The following MVK variants were observed in gnomAD, a reference collection of about 807,000 sequenced individuals.
The protein encoded by MVK is LH receptor mRNA-binding protein.
In MVK, 34 loss-of-function variants were observed where a neutral mutation model predicts 43.2. The observed-to-expected ratio is 0.79, with a 90% CI of 0.60 to 1.05. The LOEUF (loss-of-function observed/expected upper bound fraction) is 1.05. Ranked by LOEUF, MVK falls within the 50% of genes least tolerant of loss-of-function variation. MVK has a pLI of 0.00. For missense variants in MVK, 395 were observed against 504.0 expected (o/e 0.78, Z 2.07); for synonymous variants, 190 against 219.8 (o/e 0.86, Z 1.20).
chr12:109,576,063 A>G lies in MVK; in HGVS notation c.144A>G (p.Lys48=), dbSNP rs2136218745. ...GGCTTCAACCCCACAGCAATGGGAA[A>G]GTGGACCTCAGCTTACCCAACATTG... The part of the protein sequence containing the change: ...FLRLQPHSNG[K]VDLSLPNIGI... Residue 48 remains lysine (K), a synonymous_variant, in exon 3 of 11, where the codon AAA becomes AAG. Transcript: ENST00000228510. The G allele has an allele frequency of 6.2e-7, 1 of 1,614,200 alleles. No individual in the cohort carries two copies. The highest frequency in any genetic ancestry group is 8.5e-7 in the Non-Finnish European group (1 of 1,180,018).
intron 4 of MVK, 77 bp from the exon 5 acceptor site, chr12:109,581,317 TG>T (rs34587060): frequency 6.3e-7 from 1 of 1,587,538 alleles, no homozygotes; most frequent in Non-Finnish European, 8.6e-7. Flanking sequence ...GAGTCAGGCC[TG>T]GGCCTGGCCC....
intron 3 of MVK, 110 bp downstream of exon 3, chr12:109,576,255 G>A: frequency 1.4e-6 from 2 of 1,387,826 alleles, no homozygotes; most frequent in Non-Finnish European, 2.0e-6. Flanking sequence ...TTTCCCGGGT[G>A]TTTTCTACCC....
At position 109,579,875 on chromosome 12, in the gene MVK, CTG is replaced by C. The variant is rs1566143814; in HGVS notation, c.303_304del (p.Ala102CysfsTer84). 6.2e-7 allele frequency: 1 copy of C among 1,614,156 alleles called. No individual in the cohort carries two copies. Among genetic ancestry groups the C allele is most frequent in the African/African-American group, 1.3e-5 (1 of 74,962 alleles). ...LKEVAGLPDD[C>X]AVTERLAVLA... is the part of the protein sequence containing the mutation. ...AGGAGGTTGCAGGCTTGCCTGACGA[CTG>C]TGCTGTCACCGAGCGCCTGGCTGTG... On this transcript the variant is annotated frameshift_variant, in exon 4 of 11. Coordinates refer to ENST00000228510, the MANE Select transcript of MVK (RefSeq NM_000431.4). LOFTEE classifies it high-confidence loss of function.
Position 109,591,500 on chromosome 12 carries a change from G to A in MVK, c.885+143G>A. 3.9e-6 allele frequency: 3 copies of A among 779,170 alleles called. No homozygotes were observed. In the East Asian group the frequency reaches 8.0e-5, roughly 21 times the overall value. The allele number at this position is 779,170 out of a possible 1,614,324, so 48.3% of individuals were successfully genotyped here. On this transcript the variant is annotated intron_variant, in intron 9 of 10. Transcript: ENST00000228510. Reference sequence around the variant, plus strand: ...CTGCCTCTGGCCTATGCTCTCAGCTGGGCCCAGGTCTGTGCGTGCCATATA... The same window carrying A: ...CTGCCTCTGGCCTATGCTCTCAGCTAGGCCCAGGTCTGTGCGTGCCATATA...
chr12:109,582,796 G>A (rs374375638), intron 5 of MVK, among the ~76,000 whole-genome samples: 8 of 152,122 alleles, frequency 5.3e-5, no homozygotes, highest in Non-Finnish European at 7.4e-5. Context: ...ACCTTCCCCC[G>A]CCTCCATCAC....
At chr12:109,594,166 G>C (rs947424000) in intron 9 of MVK, among the ~76,000 whole-genome samples, 2 of 152,156 alleles carry the variant, frequency 1.3e-5, no homozygotes, top group Non-Finnish European at 2.9e-5. Context: ...TTTACTTCCT[G>C]ATGGCTGGGA....
At chr12:109,594,819 G>A (rs1048454759) in intron 9 of MVK, among the ~76,000 whole-genome samples, 1 of 152,200 alleles carries the variant, frequency 6.6e-6, no homozygotes, top group Non-Finnish European at 1.5e-5. Flanking sequence ...CTGTGGTGAA[G>A]GTATGCTCAG....
chr12:109,590,587 G>A, intron 7 of MVK, 184 bp from the exon 8 acceptor site: 1 of 657,238 alleles, frequency 1.5e-6, no homozygotes, highest in Non-Finnish European at 2.8e-6. Flanking sequence ...CCCAACCAGT[G>A]CCTGGGATGG....
At chr12:109,573,516 G>T (rs1048129586), upstream of MVK, 8 of 1,577,702 alleles carry the variant, frequency 5.1e-6, no homozygotes, top group Non-Finnish European at 6.8e-6. Context: ...ACCCCGCCAG[G>T]TTCCCGTCCA....
Position 109,597,198 on chromosome 12 carries a change from C to T in MVK, c.*621C>T, listed in dbSNP as rs540574653. ...GGCAGGGTTTATATGCACTTTCTTC[C>T]GATCTGTACCTGAGAGGTTTGTGGA... On this transcript the variant is annotated 3_prime_UTR_variant, in exon 11 of 11. Transcript: ENST00000228510. 1.5e-3 allele frequency: 252 copies of T among 168,996 alleles called. No homozygotes were observed. The highest frequency in any genetic ancestry group is 5.6e-3 in the African/African-American group (233 of 41,810). 10.5% of individuals were successfully genotyped at this position (168,996 alleles called of 1,614,324 possible).
chr12:109,592,403 G>T (rs544166298), intron 9 of MVK, among the ~76,000 whole-genome samples: 1 of 152,324 alleles, frequency 6.6e-6, no homozygotes, highest in South Asian at 2.1e-4. Flanking sequence ...CCTAGCTGCC[G>T]TGGCTGTGCA....
intron 3 of MVK, among the ~76,000 whole-genome samples, chr12:109,579,477 G>A (rs1026951949): frequency 1.3e-5 from 2 of 152,158 alleles, no homozygotes; most frequent in Non-Finnish European, 2.9e-5. Context: ...TACATGCCAG[G>A]TGCTGTGCTA....
At chr12:109,596,085 C>T (rs543150302) in intron 10 of MVK, among the ~76,000 whole-genome samples, 6 of 152,310 alleles carry the variant, frequency 3.9e-5, no homozygotes, top group Non-Finnish European at 7.4e-5. Flanking sequence ...GAGATCTGCA[C>T]GGGGAGTCAT....
At chr12:109,579,143 T>TTTA in intron 3 of MVK, 1 of 350,236 alleles carries the variant, frequency 2.9e-6, no homozygotes, top group Non-Finnish European at 5.7e-6. Context: ...TACAATTTTT[T>TTTA]TTTTTTTTTT....
chr12:109,580,377 A>T (rs1267038516), intron 4 of MVK, among the ~76,000 whole-genome samples: 1 of 152,196 alleles, frequency 6.6e-6, no homozygotes, highest in Non-Finnish European at 1.5e-5. Flanking sequence ...TGCTGGGATT[A>T]GAGGCATGAG....
At chr12:109,583,129 G>A (rs992564271) in intron 5 of MVK, among the ~76,000 whole-genome samples, 1 of 149,414 alleles carries the variant, frequency 6.7e-6, no homozygotes, top group Non-Finnish European at 1.5e-5. Flanking sequence ...TTAAGTTTTA[G>A]GGTACATGTG....
At chr12:109,573,495 G>T, upstream of MVK, 1 of 1,591,582 alleles carries the variant, frequency 6.3e-7, no homozygotes, top group South Asian at 1.1e-5. Context: ...CAGGCTGCTT[G>T]ACGGGACCTG....
At chr12:109,588,839 G>T (rs554979397) in intron 7 of MVK, 1 of 152,502 alleles carries the variant, frequency 6.6e-6, no homozygotes, top group East Asian at 1.9e-4. Context: ...TCAGTTGTCT[G>T]TGAGAGCATA....
Position 109,581,379 on chromosome 12 carries a change from C to G in MVK, c.372-16C>G. The G allele has an allele frequency of 6.2e-7, 1 of 1,613,404 alleles. No homozygotes were observed. Among genetic ancestry groups the G allele is most frequent in the Non-Finnish European group, 8.5e-7 (1 of 1,179,978 alleles). ...CCCTGCGGGAGAGTCACGTTTCACA[C>G]CCTGGTGTGTTTCAGGGCCCTGCCG... is the stretch of plus-strand genomic sequence containing the variant. On this transcript the variant is annotated splice_polypyrimidine_tract_variant and intron_variant, in intron 4 of 10. Transcript: ENST00000228510.
Sources: allele counts gnomAD v4.1 joint callset (sites outside exome capture counted in the v4.1 genomes callset), GRCh38; gene constraint gnomAD v4.1.1; transcripts MANE v1.5; gene names NCBI Gene and HGNC (gene_info 2026-07-23, HGNC 2026-07-21).